AGBL1: variants seen among roughly 807,000 people sequenced by gnomAD.
The protein encoded by AGBL1 is AGBL carboxypeptidase 1, also known as cytosolic carboxypeptidase 4.
A neutral mutation model predicts 118.9 loss-of-function variants in AGBL1; 130 were observed. The observed-to-expected ratio is 1.09, with a 90% CI of 0.95 to 1.26. The LOEUF (loss-of-function observed/expected upper bound fraction) is 1.26, where lower values mean the gene tolerates loss of function less well. Among genes scored for constraint, AGBL1 ranks in the 50% most tolerant of loss-of-function variants. AGBL1 has a pLI of 0.00. For missense variants in AGBL1, 1,584 were observed against 1,298.1 expected (o/e 1.22, Z -3.38); for synonymous variants, 555 against 478.9 (o/e 1.16, Z -2.08).
chr15:86,595,733 G>T (rs760410699), intron 21 of AGBL1, among the ~76,000 whole-genome samples: 3 of 152,108 alleles, frequency 2.0e-5, no homozygotes, highest in African/African-American at 4.8e-5. Flanking sequence ...TTAATGCAGG[G>T]CTAGCGGAGT....
At chr15:86,683,510 C>T (rs1370051432) in intron 22 of AGBL1, among the ~76,000 whole-genome samples, 3 of 152,168 alleles carry the variant, frequency 2.0e-5, no homozygotes, top group African/African-American at 7.2e-5. Context: ...TTACAAGTGA[C>T]TCCATGGGAG....
At chr15:86,540,449 G>T (rs182786025) in intron 19 of AGBL1, among the ~76,000 whole-genome samples, 60 of 152,218 alleles carry the variant, frequency 3.9e-4, no homozygotes, top group Non-Finnish European at 5.9e-5. Flanking sequence ...CAAAAAGTTA[G>T]CTGAGCGTGG....
At chr15:86,775,119 T>C (rs763897736) in intron 22 of AGBL1, among the ~76,000 whole-genome samples, 3 of 152,136 alleles carry the variant, frequency 2.0e-5, no homozygotes, top group Non-Finnish European at 4.4e-5. Context: ...GTAAGACAGA[T>C]GTTAAACAAA....
chr15:86,133,159 A>G (rs2076841151), intron 1 of AGBL1, among the ~76,000 whole-genome samples: 1 of 152,082 alleles, frequency 6.6e-6, no homozygotes, highest in Non-Finnish European at 1.5e-5. Context: ...TTAAACTTAC[A>G]TTTTTAACCC....
chr15:86,215,987 A>G (rs1759994702), intron 5 of AGBL1, among the ~76,000 whole-genome samples: 2 of 152,220 alleles, frequency 1.3e-5, no homozygotes, highest in South Asian at 4.1e-4. Flanking sequence ...TAAATTGATT[A>G]CCAGGAATTG....
At chr15:86,273,792 C>T (rs997534992) in intron 15 of AGBL1, among the ~76,000 whole-genome samples, 3 of 152,166 alleles carry the variant, frequency 2.0e-5, no homozygotes, top group Non-Finnish European at 2.9e-5. Context: ...TGCCAGGGTG[C>T]TCACTGTGGG....
Position 86,814,328 on chromosome 15 carries a change from A to C in AGBL1, c.3159-92759A>C, listed in dbSNP as rs140422518. On this transcript the variant is annotated intron_variant, in intron 22 of 22. Transcript: ENST00000614907. ...ATTTCATCCCAAAGCCATTCCCTCCACTCTACCATCTGTGGAAACATCATC... is the reference window on the plus strand; with the variant it reads ...ATTTCATCCCAAAGCCATTCCCTCCCCTCTACCATCTGTGGAAACATCATC... 1.7e-3 allele frequency among the ~76,000 whole-genome samples: 251 copies of C among 152,034 alleles called. 1 individual carries two copies. Among genetic ancestry groups the C allele is most frequent in the African/African-American group, 5.6e-3 (231 of 41,476 alleles).
At chr15:86,497,767 A>G (rs927565363) in intron 18 of AGBL1, among the ~76,000 whole-genome samples, 11 of 151,984 alleles carry the variant, frequency 7.2e-5, no homozygotes, top group African/African-American at 2.7e-4. Context: ...TCTCACATTC[A>G]GAGCTACCTG....
intron 22 of AGBL1, among the ~76,000 whole-genome samples, chr15:86,689,052 A>G (rs1197935493): frequency 1.3e-5 from 2 of 152,084 alleles, no homozygotes; most frequent in Non-Finnish European, 2.9e-5. Flanking sequence ...TTTTACTTTT[A>G]TATGGTAAAT....
At chr15:86,892,645 G>C (rs940437881) in intron 22 of AGBL1, among the ~76,000 whole-genome samples, 4 of 152,126 alleles carry the variant, frequency 2.6e-5, no homozygotes, top group Admixed American at 6.6e-5. Flanking sequence ...CAATGGCCAA[G>C]CACCTGGCAC....
chr15:86,692,783 C>G (rs2086194720), intron 22 of AGBL1, among the ~76,000 whole-genome samples: 1 of 152,076 alleles, frequency 6.6e-6, no homozygotes, highest in African/African-American at 2.4e-5. Context: ...CCTGATTCCC[C>G]AAAGACCACT....
chr15:86,633,863 A>G (rs796709770), intron 21 of AGBL1, among the ~76,000 whole-genome samples: 13,227 of 43,330 alleles, frequency 0.31, 798 homozygotes, highest in East Asian at 0.41. Flanking sequence ...TATATATATA[A>G]TGTATATATA....
At chr15:86,136,312 T>G (rs1324654531) in intron 1 of AGBL1, among the ~76,000 whole-genome samples, 1 of 152,206 alleles carries the variant, frequency 6.6e-6, no homozygotes, top group African/African-American at 2.4e-5. Context: ...AAGTAAGAAC[T>G]TTAATAAAAG....
intron 22 of AGBL1, among the ~76,000 whole-genome samples, chr15:86,793,819 T>G (rs2078532340): frequency 6.6e-6 from 1 of 152,124 alleles, no homozygotes; most frequent in African/African-American, 2.4e-5. Context: ...CCAAAGAAGA[T>G]GCACACATGG....
chr15:86,764,679 C>G (rs921393355), intron 22 of AGBL1, among the ~76,000 whole-genome samples: 21 of 152,052 alleles, frequency 1.4e-4, no homozygotes, highest in Non-Finnish European at 2.9e-4. Context: ...TCTGCAAAGA[C>G]TTCCCTTTCT....
rs1473058322 is a variant in AGBL1, at chr15:86,279,661, G to A, written c.2098G>A (p.Ala700Thr). The change falls in exon 16 of 23, where the codon GCT (alanine) becomes ACT (threonine). Residue 700 changes from alanine (A) to threonine (T), a missense_variant. Ala to Thr is a moderately conservative substitution (Grantham distance 58, BLOSUM62 0). Coordinates refer to ENST00000614907, the MANE Select transcript of AGBL1 (RefSeq NM_001386094.1). ...YYKNHYRQSTAVAGGASGKCY... is the reference protein window; with the variant it reads ...YYKNHYRQSTTVAGGASGKCY... The stretch of plus-strand genomic sequence containing the variant: ...TAGAAATCATTATCGCCAGAGTACA[G>A]CTGTTGCAGGCGGAGCATCTGGGAA... The A allele has an allele frequency of 6.2e-7, 1 of 1,613,446 alleles. No homozygotes were observed. Among genetic ancestry groups the A allele is most frequent in the Non-Finnish European group, 8.5e-7 (1 of 1,179,532 alleles).
chr15:86,902,939 G>T (rs1013068211), intron 22 of AGBL1, among the ~76,000 whole-genome samples: 4 of 152,062 alleles, frequency 2.6e-5, no homozygotes, highest in African/African-American at 9.7e-5. Flanking sequence ...GTATCTGTAG[G>T]TTTATGTCCT....
chr15:86,555,070 CTCA>C (rs1308174506), intron 21 of AGBL1, among the ~76,000 whole-genome samples: 1 of 152,174 alleles, frequency 6.6e-6, no homozygotes, highest in Non-Finnish European at 1.5e-5. Flanking sequence ...GGGTTTTGGA[CTCA>C]TATGCTAGTG....
intron 13 of AGBL1, among the ~76,000 whole-genome samples, chr15:86,268,803 T>C (rs1162883724): frequency 6.6e-6 from 1 of 152,140 alleles, no homozygotes; most frequent in Non-Finnish European, 1.5e-5. Flanking sequence ...ATAGCTCTAC[T>C]CTGCTCTCAT....
Sources: allele counts gnomAD v4.1 joint callset (sites outside exome capture counted in the v4.1 genomes callset), GRCh38; gene constraint gnomAD v4.1.1; transcripts MANE v1.5; gene names NCBI Gene and HGNC (gene_info 2026-07-23, HGNC 2026-07-21).